KMO: variants seen among roughly 807,000 people sequenced by gnomAD.
KMO encodes the protein kynurenine 3-hydroxylase.
Under a neutral mutation model 57.8 loss-of-function variants are expected in KMO, and 24 were observed. The observed-to-expected ratio is 0.42, with a 90% CI of 0.30 to 0.58. KMO has a LOEUF of 0.58. Ranked by LOEUF, KMO falls within the 20% of genes least tolerant of loss-of-function variation. KMO has a pLI of 0.22. For synonymous variants in KMO, 210 were observed against 193.6 expected (o/e 1.08, Z -0.70); for missense variants, 483 against 588.2 (o/e 0.82, Z 1.85).
intron 10 of KMO, among the ~76,000 whole-genome samples, chr1:241,573,215 G>A (rs888834365): frequency 5.9e-5 from 9 of 152,090 alleles, no homozygotes; most frequent in African/African-American, 2.2e-4. Context: ...TCGACCTGCT[G>A]TGCTCAAGGG....
At position 241,562,258 on chromosome 1, in the gene KMO, C is replaced by A; in HGVS notation, c.541C>A (p.Pro181Thr). 1 of 1,614,180 alleles carries A rather than the reference C, an allele frequency of 6.2e-7. No individual in the cohort carries two copies. The highest frequency in any genetic ancestry group is 8.5e-7 in the Non-Finnish European group (1 of 1,180,000). Residue 181 changes from proline to threonine, a missense_variant, in exon 7 of 15, where the codon CCT becomes ACT. Coordinates refer to ENST00000366559, the MANE Select transcript of KMO (RefSeq NM_003679.5). ...TGTCAGATCTCACCTGATGAAGAAACCTCGCTTTGATTACAGTCAGCAGTA... is the reference window on the plus strand; with the variant it reads ...TGTCAGATCTCACCTGATGAAGAAAACTCGCTTTGATTACAGTCAGCAGTA... ...STVRSHLMKK[P>T]RFDYSQQYIP...
intron 1 of KMO, among the ~76,000 whole-genome samples, chr1:241,539,388 A>AC (rs1660871301): frequency 6.6e-6 from 1 of 152,130 alleles, no homozygotes; most frequent in Non-Finnish European, 1.5e-5. Context: ...CGTCTCAAAA[A>AC]AATTCCAGAA....
intron 1 of KMO, among the ~76,000 whole-genome samples, chr1:241,541,166 A>G (rs1660944884): frequency 1.3e-5 from 2 of 152,148 alleles, no homozygotes; most frequent in South Asian, 4.1e-4. Context: ...TAGCCTGGTA[A>G]AAGCTAATGA....
chr1:241,590,567 C>A (rs1663222696), intron 14 of KMO, among the ~76,000 whole-genome samples: 1 of 152,138 alleles, frequency 6.6e-6, no homozygotes, highest in African/African-American at 2.4e-5. Flanking sequence ...ATGCAATATT[C>A]TTATGAGTTT....
At chr1:241,586,553 G>T in intron 10 of KMO, 126 bp from the exon 11 acceptor site, 1 of 721,950 alleles carries the variant, frequency 1.4e-6, no homozygotes, top group South Asian at 1.5e-5. Flanking sequence ...CAACTGCTAT[G>T]TACTAGTTGA....
At chr1:241,551,840 T>A (rs1661402296) in intron 4 of KMO, among the ~76,000 whole-genome samples, 3 of 152,184 alleles carry the variant, frequency 2.0e-5, no homozygotes, top group Non-Finnish European at 4.4e-5. Context: ...GTGCTTCTCA[T>A]ACTCACCCGG....
chr1:241,540,443 G>T (rs1478008834), intron 1 of KMO, among the ~76,000 whole-genome samples: 1 of 152,224 alleles, frequency 6.6e-6, no homozygotes, highest in Admixed American at 6.5e-5. Context: ...AAACTACACT[G>T]AGGATATGAG....
intron 1 of KMO, among the ~76,000 whole-genome samples, chr1:241,534,050 G>T (rs1446916568): frequency 6.6e-6 from 1 of 152,240 alleles, no homozygotes; most frequent in African/African-American, 2.4e-5. Context: ...AAAGCTGACA[G>T]ACCAGATCTT....
intron 10 of KMO, among the ~76,000 whole-genome samples, chr1:241,575,405 G>A (rs1662471906): frequency 6.6e-6 from 1 of 152,030 alleles, no homozygotes; most frequent in Non-Finnish European, 1.5e-5. Context: ...GGCATTTAAT[G>A]CTATAAACTT....
chr1:241,561,087 C>T (rs1661818101), intron 6 of KMO, among the ~76,000 whole-genome samples: 2 of 152,140 alleles, frequency 1.3e-5, no homozygotes, highest in Non-Finnish European at 1.5e-5. Context: ...TGCTATTTCT[C>T]TGCCTTTCCT....
At chr1:241,588,329 C>CTTTTTTTT (rs57587351) in intron 11 of KMO, among the ~76,000 whole-genome samples, 601 of 98,310 alleles carry the variant, frequency 6.1e-3, no homozygotes, top group African/African-American at 6.8e-3. Context: ...TCTTTTTTTT[C>CTTTTTTTT]TTTTTTTTTT....
chr1:241,557,107 A>G (rs999851899), intron 5 of KMO, among the ~76,000 whole-genome samples: 1 of 152,108 alleles, frequency 6.6e-6, no homozygotes, highest in Non-Finnish European at 1.5e-5. Context: ...GGGGATATAG[A>G]AAGTTGAGAA....
chr1:241,556,438 T>G (rs1162235277), intron 5 of KMO, among the ~76,000 whole-genome samples: 1 of 152,202 alleles, frequency 6.6e-6, no homozygotes, highest in Non-Finnish European at 1.5e-5. Context: ...TCACTGACAA[T>G]TCTCTGAATT....
chr1:241,594,194 A>G lies in KMO; in HGVS notation c.*2041A>G, dbSNP rs1435159521. 1 of 448,318 alleles carries G rather than the reference A, an allele frequency of 2.2e-6. No individual in the cohort carries two copies. Among genetic ancestry groups the G allele is most frequent in the African/African-American group, 2.0e-5 (1 of 50,052 alleles). 27.8% of individuals were successfully genotyped at this position (448,318 alleles called of 1,614,324 possible). A position where few individuals can be genotyped will look rare whatever the true frequency, so the allele number is the denominator to read the frequency against. On this transcript the variant is annotated 3_prime_UTR_variant, in exon 15 of 15. Coordinates refer to ENST00000366559, the MANE Select transcript of KMO (RefSeq NM_003679.5). ...TAGAAGATGATGATGTTAGATGCCC[A>G]TCGTGTGCCACAAGTGGTTTTTTCA...
chr1:241,586,601 A>G (rs773592646), intron 10 of KMO, 78 bp from the exon 11 acceptor site: 18 of 927,718 alleles, frequency 1.9e-5, no homozygotes, highest in Admixed American at 1.7e-4. Context: ...CCAATGGAAT[A>G]TCTATTCAAA....
chr1:241,591,962 A>G lies in KMO; in HGVS notation c.1270A>G (p.Lys424Glu), dbSNP rs1439239394. 1 of 1,613,412 alleles carries G rather than the reference A, an allele frequency of 6.2e-7. No individual in the cohort carries two copies. The highest frequency in any genetic ancestry group is 1.3e-5 in the African/African-American group (1 of 74,914). Residue 424 changes from lysine (K) to glutamate (E), a missense_variant, in exon 15 of 15, where the codon AAA (lysine) becomes GAA (glutamate). This residue lies in a region of KMO where 410 missense variants were observed against 492.3 expected (regional missense o/e 0.83). Coordinates refer to ENST00000366559, the MANE Select transcript of KMO (RefSeq NM_003679.5). Reference protein sequence around the residue: ...RWHWQKKVINKGLFFLGSLIA... With the variant: ...RWHWQKKVINEGLFFLGSLIA... ...TCTTGCTGTCTTACAGGTGATAAACAAAGGACTCTTTTTCTTGGGATCACT... is the reference window on the plus strand; with the variant it reads ...TCTTGCTGTCTTACAGGTGATAAACGAAGGACTCTTTTTCTTGGGATCACT...
intron 5 of KMO, among the ~76,000 whole-genome samples, chr1:241,559,517 C>T (rs1211571782): frequency 1.3e-5 from 2 of 152,112 alleles, no homozygotes; most frequent in Non-Finnish European, 2.9e-5. Context: ...CAGGTCAATT[C>T]TGATTACTTC....
chr1:241,559,333 T>C (rs1378050765), intron 5 of KMO, among the ~76,000 whole-genome samples: 1 of 152,180 alleles, frequency 6.6e-6, no homozygotes, highest in African/African-American at 2.4e-5. Context: ...TCAGCATTAC[T>C]CTAGTCTTTG....
In KMO at chr1:241,593,338, T is replaced by C; in HGVS notation, c.*1185T>C. The C allele has an allele frequency of 4.7e-6, 2 of 429,390 alleles. No homozygotes were observed. Among genetic ancestry groups the C allele is most frequent in the Non-Finnish European group, 1.0e-5 (2 of 197,574 alleles). The allele number at this position is 429,390 out of a possible 1,614,324, so 26.6% of individuals were successfully genotyped here. A position where few individuals can be genotyped will look rare whatever the true frequency, so the allele number is the denominator to read the frequency against. On this transcript the variant is annotated 3_prime_UTR_variant, in exon 15 of 15. Coordinates refer to ENST00000366559, the MANE Select transcript of KMO (RefSeq NM_003679.5). ...TTAAAAGCACATTTAGTGAAATGTT[T>C]TCTTTGGTTCATCCTTCTTTAACAG...
Sources: allele counts gnomAD v4.1 joint callset (sites outside exome capture counted in the v4.1 genomes callset), GRCh38; gene constraint gnomAD v4.1.1; regional missense constraint gnomAD v4.1.1; transcripts MANE v1.5; gene names NCBI Gene and HGNC (gene_info 2026-07-23, HGNC 2026-07-21).